The following KCTD8 variants were observed in gnomAD, a reference collection of about 807,000 sequenced individuals.
The protein encoded by KCTD8 is BTB/POZ domain-containing protein KCTD8.
In KCTD8, 27 loss-of-function variants were observed where a neutral mutation model predicts 31.5. That is an observed-to-expected ratio of 0.86 (90% CI 0.63 to 1.18). The LOEUF (loss-of-function observed/expected upper bound fraction) is 1.18. Among genes scored for constraint, KCTD8 ranks in the 50% most tolerant of loss-of-function variants. The pLI is 0.00. For synonymous variants in KCTD8, 290 were observed against 280.0 expected (o/e 1.04, Z -0.36); for missense variants, 658 against 647.7 (o/e 1.02, Z -0.17).
At position 44,448,217 on chromosome 4, in the gene KCTD8, C is replaced by G. The variant is rs1297524964; in HGVS notation, c.307G>C (p.Gly103Arg). 6.2e-7 allele frequency: 1 copy of G among 1,612,042 alleles called. No individual in the cohort carries two copies. The highest frequency in any genetic ancestry group is 1.3e-5 in the African/African-American group (1 of 74,874). The change falls in exon 1 of 2, where the codon GGC becomes CGC. Residue 103 changes from glycine to arginine, a missense_variant. Coordinates refer to ENST00000360029, the MANE Select transcript of KCTD8 (RefSeq NM_198353.3). This position sits in a 1 kb window ranked among gnomAD's most constrained non-coding sequence, Gnocchi z 4.1. ...TCCAGCACGTACCTGAAAAGGAAGC[C>G]GTCCCGGTCGATGAAGAAGCGCGCC... Reference protein sequence around the residue: ...SRARFFIDRDGFLFRYVLDYL... With the variant: ...SRARFFIDRDRFLFRYVLDYL...
At chr4:44,360,106 C>A (rs1719458393) in intron 1 of KCTD8, among the ~76,000 whole-genome samples, 1 of 151,678 alleles carries the variant, frequency 6.6e-6, no homozygotes. Flanking sequence ...AGCGGCAATA[C>A]AAAACTTAAA....
chr4:44,234,928 C>G (rs1364887739), intron 1 of KCTD8, among the ~76,000 whole-genome samples: 1 of 152,192 alleles, frequency 6.6e-6, no homozygotes, highest in East Asian at 1.9e-4. Context: ...CCTTTAATGA[C>G]AGGAGTGGCA....
In KCTD8 at chr4:44,268,572, G is replaced by T. The variant is rs944143839; in HGVS notation, c.962-93322C>A. 2.7e-4 allele frequency among the ~76,000 whole-genome samples: 41 copies of T among 152,026 alleles called. 1 individual carries two copies. In the Middle Eastern group the frequency reaches 0.01, roughly 38 times the overall value. ...AATTAGGCAGGAGAAGGAAATAAAG[G>T]GTATTCAATTAGGAAAAGAGGAAGT... On this transcript the variant is annotated intron_variant, in intron 1 of 1. Transcript: ENST00000360029.
chr4:44,347,046 A>C (rs1719053996), intron 1 of KCTD8, among the ~76,000 whole-genome samples: 1 of 152,170 alleles, frequency 6.6e-6, no homozygotes, highest in South Asian at 2.1e-4. Flanking sequence ...TATGGCCCAC[A>C]ACATCAAATA....
At chr4:44,325,427 A>G (rs1718418260) in intron 1 of KCTD8, among the ~76,000 whole-genome samples, 2 of 151,944 alleles carry the variant, frequency 1.3e-5, no homozygotes, top group African/African-American at 4.8e-5. Context: ...AGCCTATTTT[A>G]TTTAACAACT....
At chr4:44,438,990 A>T (rs562010199) in intron 1 of KCTD8, among the ~76,000 whole-genome samples, 1 of 152,334 alleles carries the variant, frequency 6.6e-6, no homozygotes, top group Non-Finnish European at 1.5e-5. Flanking sequence ...AAGATCTTAA[A>T]GCTACAGCCA....
intron 1 of KCTD8, among the ~76,000 whole-genome samples, chr4:44,187,245 A>T (rs189353003): frequency 4.6e-5 from 7 of 152,326 alleles, no homozygotes; most frequent in Admixed American, 3.9e-4. Context: ...ATTGCACCTC[A>T]TGCTCGTAGT....
chr4:44,338,682 G>A (rs1321399577), intron 1 of KCTD8, among the ~76,000 whole-genome samples: 3 of 151,930 alleles, frequency 2.0e-5, no homozygotes, highest in Admixed American at 6.6e-5. Context: ...AAAATATTAT[G>A]GAGAAGTTTT....
intron 1 of KCTD8, among the ~76,000 whole-genome samples, chr4:44,309,961 T>C (rs1717905669): frequency 6.6e-6 from 1 of 152,102 alleles, no homozygotes; most frequent in African/African-American, 2.4e-5. Context: ...AATGTCGTCA[T>C]AGGATCTATA....
chr4:44,351,099 C>T (rs1477794614), intron 1 of KCTD8, among the ~76,000 whole-genome samples: 1 of 152,102 alleles, frequency 6.6e-6, no homozygotes, highest in Non-Finnish European at 1.5e-5. Context: ...GTTCCTTTAC[C>T]GTGCTCTGTC....
intron 1 of KCTD8, among the ~76,000 whole-genome samples, chr4:44,264,913 A>G (rs1401260788): frequency 6.6e-6 from 1 of 152,206 alleles, no homozygotes; most frequent in Non-Finnish European, 1.5e-5. Flanking sequence ...GGAGCCCACC[A>G]CAGCTCAAGG....
At chr4:44,395,107 A>G (rs1288016925) in intron 1 of KCTD8, among the ~76,000 whole-genome samples, 3 of 152,074 alleles carry the variant, frequency 2.0e-5, no homozygotes, top group East Asian at 1.9e-4. Flanking sequence ...ACTTCCTCCA[A>G]TGGTTAGTAG....
intron 1 of KCTD8, among the ~76,000 whole-genome samples, chr4:44,443,192 A>G (rs1352516412): frequency 2.6e-5 from 4 of 152,248 alleles, no homozygotes; most frequent in Non-Finnish European, 4.4e-5. Flanking sequence ...GGCTGCAGAG[A>G]AAATTTTCAC....
chr4:44,185,495 A>T (rs1167599496), intron 1 of KCTD8, among the ~76,000 whole-genome samples: 1 of 152,232 alleles, frequency 6.6e-6, no homozygotes, highest in Non-Finnish European at 1.5e-5. Flanking sequence ...TGATTGTGAC[A>T]TCTTGGCTTT....
At chr4:44,425,252 C>T (rs2109473323) in intron 1 of KCTD8, among the ~76,000 whole-genome samples, 1 of 152,046 alleles carries the variant, frequency 6.6e-6, no homozygotes, top group African/African-American at 2.4e-5. Flanking sequence ...AGGAAGAACC[C>T]ATTTACCATA....
intron 1 of KCTD8, among the ~76,000 whole-genome samples, chr4:44,388,003 T>TA (rs1294331910): frequency 8.5e-6 from 1 of 117,874 alleles, no homozygotes; most frequent in Non-Finnish European, 1.8e-5. Context: ...ATAAAGAACT[T>TA]AAACAAATTT....
chr4:44,223,530 C>A (rs925824330), intron 1 of KCTD8, among the ~76,000 whole-genome samples: 1 of 152,020 alleles, frequency 6.6e-6, no homozygotes, highest in East Asian at 1.9e-4. Context: ...AAAAACTTAT[C>A]GAATTGGTTA....
chr4:44,373,734 T>C (rs1719849837), intron 1 of KCTD8, among the ~76,000 whole-genome samples: 1 of 152,122 alleles, frequency 6.6e-6, no homozygotes, highest in Non-Finnish European at 1.5e-5. Context: ...GATTGTTTTT[T>C]CCCATCTTAT....
At chr4:44,208,786 A>C (rs960869499) in intron 1 of KCTD8, among the ~76,000 whole-genome samples, 1 of 152,184 alleles carries the variant, frequency 6.6e-6, no homozygotes, top group Non-Finnish European at 1.5e-5. Context: ...CAAAGGCTGC[A>C]TCATTACATT....
Sources: gnomAD v4.1 joint callset for allele counts (sites outside exome capture counted in the v4.1 genomes callset) on GRCh38, gnomAD v4.1.1 for gene constraint, Gnocchi (gnomAD v3.1) non-coding constraint, MANE v1.5 for transcripts, NCBI Gene and HGNC (gene_info 2026-07-23, HGNC 2026-07-21) for gene names.